Variants in DNAH1 observed in about 807,000 individuals in gnomAD.
The protein encoded by DNAH1 is axonemal beta dynein heavy chain 1.
In DNAH1, 327 loss-of-function variants were observed where a neutral mutation model predicts 484.3. That is an observed-to-expected ratio of 0.68 (90% CI 0.62 to 0.74). The LOEUF (loss-of-function observed/expected upper bound fraction) is 0.74. Ranked by LOEUF, DNAH1 falls within the 30% of genes least tolerant of loss-of-function variation. The probability of loss-of-function intolerance (pLI) is 0.00; values close to 1 mark genes in which losing one functional copy is unlikely to be tolerated. For missense variants in DNAH1, 5,052 were observed against 5,546.8 expected, an observed-to-expected ratio of 0.91 and a Z score of 2.83; for synonymous variants, 2,192 against 2,191.9, an observed-to-expected ratio of 1.00 and a Z score of 0.00.
rs1703183784 is a variant in DNAH1 at position 52,368,659 on chromosome 3, C to T, written c.5766-82C>T. 9.0e-6 allele frequency: 13 copies of T among 1,451,236 alleles called. No individual in the cohort carries two copies. The highest frequency in any genetic ancestry group is 2.6e-5 in the South Asian group (2 of 76,806). 89.9% of individuals were successfully genotyped at this position (1,451,236 alleles called of 1,614,324 possible). On this transcript the variant is annotated intron_variant, in intron 36 of 77. Transcript: ENST00000420323. This position sits in a 1 kb window ranked among gnomAD's most constrained non-coding sequence, Gnocchi z 4.4. ...AGGAAAGTAGAGCCCGCCCACCCGG[C>T]GGCCAGGCTTCCCTGGGAGCCAGCT...
chr3:52,397,876 A>AG lies in DNAH1; in HGVS notation c.11958+1dup, dbSNP rs1206562662. On this transcript the variant is annotated frameshift_variant and splice_region_variant, in exon 74 of 78. Coordinates refer to ENST00000420323, the MANE Select transcript of DNAH1 (RefSeq NM_015512.5). LOFTEE classifies it high-confidence loss of function. ...TCTGCAGGCAGCCAGGGCCGGGAGG[A>AG]GGTGGGTGGTGTCAGAGTAAGGGGC... is the stretch of plus-strand genomic sequence containing the variant. 6.3e-7 allele frequency: 1 copy of AG among 1,598,840 alleles called. No individual in the cohort carries two copies. The highest frequency in any genetic ancestry group is 1.3e-5 in the African/African-American group (1 of 74,694).
chr3:52,394,754 C>T (rs1292303914), intron 67 of DNAH1, 93 bp downstream of exon 67: 1 of 1,488,130 alleles, frequency 6.7e-7, no homozygotes, highest in Non-Finnish European at 9.0e-7. Context: ...AAGGGGCCAC[C>T]CAGGGTTGCC....
intron 8 of DNAH1, among the ~76,000 whole-genome samples, chr3:52,342,181 C>T (rs559983667): frequency 1.3e-5 from 2 of 152,296 alleles, no homozygotes; most frequent in South Asian, 4.1e-4. Flanking sequence ...GTTTGTGGTA[C>T]TTGAGGAGCA....
chr3:52,328,725 TG>T (rs1316511035), intron 6 of DNAH1, among the ~76,000 whole-genome samples: 3 of 152,258 alleles, frequency 2.0e-5, no homozygotes, highest in African/African-American at 7.2e-5. Flanking sequence ...CAGTGCCAGG[TG>T]GGCATCCGCA....
intron 6 of DNAH1, 46 bp downstream of exon 6, chr3:52,328,060 G>A (rs778331477): frequency 4.4e-6 from 7 of 1,597,566 alleles, no homozygotes; most frequent in Non-Finnish European, 6.0e-6. Flanking sequence ...CATTCCAGTA[G>A]CAGCCCTGTC....
chr3:52,349,171 C>A (rs537452517), intron 13 of DNAH1, 24 bp from the exon 14 acceptor site: 1 of 1,612,280 alleles, frequency 6.2e-7, no homozygotes, highest in Non-Finnish European at 8.5e-7. Flanking sequence ...CCTCTGCCCC[C>A]TCCCGTGTGC....
At chr3:52,373,600 C>T (rs1703452786) in intron 44 of DNAH1, 2 of 1,459,900 alleles carry the variant, frequency 1.4e-6, no homozygotes. Flanking sequence ...CAAAATTCTT[C>T]AAGGTTTAGC....
chr3:52,384,714 GGCTGTGGGC>G, intron 52 of DNAH1, 63 bp from the exon 53 acceptor site: 1 of 1,454,280 alleles, frequency 6.9e-7, no homozygotes. Context: ...AGGTTGCAGT[GGCTGTGGGC>G]ACCCAGTCCC....
chr3:52,359,199 T>C (rs1016980513), intron 25 of DNAH1, 47 bp from the exon 26 acceptor site: 5 of 1,545,394 alleles, frequency 3.2e-6, no homozygotes, highest in African/African-American at 1.4e-5. Context: ...AAGAATGGGA[T>C]TGGGGCTGCG....
intron 17 of DNAH1, 33 bp from the exon 18 acceptor site, chr3:52,352,519 G>A (rs778936996): frequency 1.3e-6 from 2 of 1,593,446 alleles, no homozygotes; most frequent in South Asian, 1.1e-5. Context: ...TGGGGCTGCA[G>A]GGGCATCTGA....
chr3:52,372,716 G>T (rs1430086204), intron 43 of DNAH1, among the ~76,000 whole-genome samples, 180 bp from the exon 44 acceptor site: 1 of 152,262 alleles, frequency 6.6e-6, no homozygotes, highest in Non-Finnish European at 1.5e-5. Flanking sequence ...AGGTCAGCCT[G>T]TCCCAGCTGT....
intron 32 of DNAH1, among the ~76,000 whole-genome samples, chr3:52,363,904 T>C (rs1317967125): frequency 6.6e-6 from 1 of 152,148 alleles, no homozygotes; most frequent in East Asian, 1.9e-4. Flanking sequence ...TGGCAGTTCA[T>C]CACAGTGCAC....
At chr3:52,319,768 G>T (rs1701078154) in intron 1 of DNAH1, among the ~76,000 whole-genome samples, 1 of 152,248 alleles carries the variant, frequency 6.6e-6, no homozygotes, top group South Asian at 2.1e-4. Context: ...ATGCACAGGT[G>T]CACAGAGTTG....
At chr3:52,314,010 C>T (rs1700873429), upstream of DNAH1, among the ~76,000 whole-genome samples, 1 of 152,160 alleles carries the variant, frequency 6.6e-6, no homozygotes, top group Non-Finnish European at 1.5e-5. Context: ...GCAGTCTGGT[C>T]CCCAAAGTGG....
Position 52,399,055 on chromosome 3 carries a change from T to C in DNAH1, c.12295T>C (p.Phe4099Leu), listed in dbSNP as rs965901167. ...WVMDLLQRLD[F>L]LQAWIQDGIP... Reference sequence around the variant, plus strand: ...CATGGACCTGCTGCAACGCCTGGACTTTCTGCAGGCCTGGATCCAAGATGG... The same window carrying C: ...CATGGACCTGCTGCAACGCCTGGACCTTCTGCAGGCCTGGATCCAAGATGG... The change falls in exon 76 of 78, where the codon TTT becomes CTT. Residue 4099 changes from phenylalanine to leucine, a missense_variant. Phe to Leu is a conservative substitution (Grantham distance 22). Coordinates refer to ENST00000420323, the MANE Select transcript of DNAH1 (RefSeq NM_015512.5). The C allele has an allele frequency of 2.5e-6, 4 of 1,613,962 alleles. No homozygotes were observed. The African/African-American group carries it at 5.3e-5, about 22-fold the overall frequency.
chr3:52,373,098 T>C (rs1325308775), intron 44 of DNAH1, 45 bp downstream of exon 44: 2 of 1,565,860 alleles, frequency 1.3e-6, no homozygotes, highest in East Asian at 2.3e-5. Context: ...CTACGCGTGC[T>C]GTGCAGGGGC....
Position 52,354,478 on chromosome 3 carries a change from CA to C in DNAH1, c.3481-359del, listed in dbSNP as rs1197622303. On this transcript the variant is annotated intron_variant, in intron 20 of 77. Coordinates refer to ENST00000420323, the MANE Select transcript of DNAH1 (RefSeq NM_015512.5). ...TGAAACCCCATCTCTACTAAAAATACAAAAAATAGTGGGGTGTGGTGGCACA... is the reference window on the plus strand; with the variant it reads ...TGAAACCCCATCTCTACTAAAAATACAAAAATAGTGGGGTGTGGTGGCACA... 5.9e-5 allele frequency among the ~76,000 whole-genome samples: 9 copies of C among 152,006 alleles called. No individual in the cohort carries two copies. The East Asian group carries it at 1.6e-3, about 26-fold the overall frequency.
In DNAH1 at chr3:52,391,382, C is replaced by T. The variant is rs1033082156; in HGVS notation, c.9891+54C>T. On this transcript the variant is annotated intron_variant, in intron 62 of 77. Transcript: ENST00000420323. Reference sequence around the variant, plus strand: ...GCAGTAGGCCTGGACAGGGCAGTCCCCTTCCCCTGCCCCACTGGTGATGCT... The same window carrying T: ...GCAGTAGGCCTGGACAGGGCAGTCCTCTTCCCCTGCCCCACTGGTGATGCT... 12 of 1,589,662 alleles carry T rather than the reference C, an allele frequency of 7.5e-6. No individual in the cohort carries two copies. The African/African-American group carries it at 8.1e-5, about 11-fold the overall frequency.
chr3:52,379,952 G>C lies in DNAH1; in HGVS notation c.7425G>C (p.Val2475=). The C allele has an allele frequency of 6.3e-7, 1 of 1,581,124 alleles. No homozygotes were observed. Among genetic ancestry groups the C allele is most frequent in the Non-Finnish European group, 8.6e-7 (1 of 1,164,090 alleles). Residue 2475 remains valine, a synonymous_variant, in exon 48 of 78, where the codon GTG becomes GTC. Coordinates refer to ENST00000420323, the MANE Select transcript of DNAH1 (RefSeq NM_015512.5). The surrounding 1 kb of genome is among the most constrained non-coding windows in gnomAD (Gnocchi z 4.4). ...TGTGGTATCACGAGAACTGCCGCGT[G>C]TTCCGGGACCGACTGGTGAATGAGG... ...LRLWYHENCR[V]FRDRLVNEED...
Sources: gnomAD v4.1 joint callset for allele counts (sites outside exome capture counted in the v4.1 genomes callset) on GRCh38, gnomAD v4.1.1 for gene constraint, Gnocchi (gnomAD v3.1) non-coding constraint, MANE v1.5 for transcripts, NCBI Gene and HGNC (gene_info 2026-07-23, HGNC 2026-07-21) for gene names.